The following SGK3 variants were observed in gnomAD, a reference collection of about 807,000 sequenced individuals.
SGK3 encodes serum/glucocorticoid regulated kinase family member 3, also known as serine/threonine-protein kinase Sgk3.
SGK3 carries 47 observed loss-of-function variants against 68.5 expected under a neutral mutation model. The observed-to-expected ratio is 0.69, with a 90% CI of 0.54 to 0.87. The LOEUF is 0.87. Ranked by LOEUF, SGK3 falls within the 40% of genes least tolerant of loss-of-function variation. The pLI is 0.00. For missense variants in SGK3, 479 were observed against 575.5 expected, an observed-to-expected ratio of 0.83 and a Z score of 1.72; for synonymous variants, 181 against 189.1, an observed-to-expected ratio of 0.96 and a Z score of 0.35.
chr8:66,761,557 C>G (rs968465695), intron 1 of SGK3, among the ~76,000 whole-genome samples: 2 of 152,138 alleles, frequency 1.3e-5, no homozygotes, highest in African/African-American at 4.8e-5. Flanking sequence ...TCACAAGAGG[C>G]TAGGTGTTTG....
chr8:66,743,118 G>GT (rs1345215492), intron 1 of SGK3, among the ~76,000 whole-genome samples: 2 of 152,128 alleles, frequency 1.3e-5, no homozygotes, highest in Admixed American at 1.3e-4. Context: ...AGAGACCATA[G>GT]TTTTTTGCAG....
intron 1 of SGK3, among the ~76,000 whole-genome samples, chr8:66,765,790 G>A (rs1027934504): frequency 1.3e-5 from 2 of 152,094 alleles, no homozygotes; most frequent in Non-Finnish European, 2.9e-5. Context: ...TTGGGAGGCC[G>A]AGGTGGGTGG....
At chr8:66,759,524 C>G (rs140458944) in intron 1 of SGK3, among the ~76,000 whole-genome samples, 2 of 148,248 alleles carry the variant, frequency 1.3e-5, no homozygotes, top group African/African-American at 5.0e-5. Flanking sequence ...CTCTACCTCC[C>G]GGGTTCAAGC....
intron 1 of SGK3, among the ~76,000 whole-genome samples, chr8:66,778,397 C>T (rs1183371508): frequency 2.0e-5 from 3 of 152,180 alleles, no homozygotes; most frequent in Admixed American, 6.5e-5. Flanking sequence ...CCCGGGTTCA[C>T]GCCATTCTCC....
chr8:66,785,586 A>C (rs1807165762), intron 1 of SGK3, among the ~76,000 whole-genome samples: 1 of 152,180 alleles, frequency 6.6e-6, no homozygotes, highest in Non-Finnish European at 1.5e-5. Context: ...AAGTTGTGAC[A>C]ACCAAAAATG....
chr8:66,772,331 TC>T (rs1312117596), intron 1 of SGK3, among the ~76,000 whole-genome samples: 5 of 150,654 alleles, frequency 3.3e-5, no homozygotes, highest in African/African-American at 1.2e-4. Context: ...CAAGAAATCC[TC>T]CTGTCTTAGC....
At chr8:66,723,817 T>C (rs1804895223) in intron 1 of SGK3, among the ~76,000 whole-genome samples, 1 of 152,230 alleles carries the variant, frequency 6.6e-6, no homozygotes, top group Non-Finnish European at 1.5e-5. Context: ...GTTGACAATT[T>C]AGTCCATTCT....
chr8:66,822,603 T>G, intron 6 of SGK3, 144 bp downstream of exon 6: 20 of 574,802 alleles, frequency 3.5e-5, no homozygotes, highest in Non-Finnish European at 5.5e-5. Flanking sequence ...CAAATGCATA[T>G]ACCTCTTACA....
intron 4 of SGK3, among the ~76,000 whole-genome samples, chr8:66,805,571 A>T (rs1021447483): frequency 1.3e-5 from 2 of 151,916 alleles, no homozygotes; most frequent in Admixed American, 6.6e-5. Flanking sequence ...ACCCTTGGGG[A>T]ACCCATGGAC....
At position 66,723,125 on chromosome 8, in the gene SGK3, A is replaced by T. The variant is rs1486885291; in HGVS notation, c.-122+10292A>T. On this transcript the variant is annotated intron_variant, in intron 1 of 16. Transcript: ENST00000521198. Reference sequence around the variant, plus strand: ...TATATATATATATATATATATATATATATATATTTTTTTTTTTTTTTTTTT... The same window carrying T: ...TATATATATATATATATATATATATTTATATATTTTTTTTTTTTTTTTTTT... 9.3e-3 allele frequency among the ~76,000 whole-genome samples: 486 copies of T among 52,166 alleles called. 34 individuals are homozygous for T. Among genetic ancestry groups the T allele is most frequent in the African/African-American group, 0.041 (450 of 10,882 alleles). 34.2% of individuals were successfully genotyped at this position (52,166 alleles called of 152,430 possible).
chr8:66,812,595 T>C (rs1471224244), intron 4 of SGK3, among the ~76,000 whole-genome samples: 1 of 151,874 alleles, frequency 6.6e-6, no homozygotes, highest in Non-Finnish European at 1.5e-5. Flanking sequence ...ATAATGGCTT[T>C]TAGACCGCCC....
At chr8:66,825,599 G>C (rs998176887) in intron 6 of SGK3, among the ~76,000 whole-genome samples, 1 of 152,004 alleles carries the variant, frequency 6.6e-6, no homozygotes, top group African/African-American at 2.4e-5. Context: ...GAGCCACCTC[G>C]TCTGGCCTAT....
chr8:66,793,489 T>C, intron 1 of SGK3, 127 bp from the exon 2 acceptor site: 1 of 327,082 alleles, frequency 3.1e-6, no homozygotes, highest in Non-Finnish European at 5.8e-6. Context: ...TAACCTGGGC[T>C]GAGACTGATG....
intron 8 of SGK3, among the ~76,000 whole-genome samples, chr8:66,833,155 G>A (rs943740597): frequency 1.3e-5 from 2 of 151,992 alleles, no homozygotes; most frequent in South Asian, 2.1e-4. Context: ...TCAGGCACAC[G>A]CCACCGTGTC....
At chr8:66,722,521 C>T (rs567294440) in intron 1 of SGK3, among the ~76,000 whole-genome samples, 3 of 152,222 alleles carry the variant, frequency 2.0e-5, no homozygotes, top group African/African-American at 4.8e-5. Flanking sequence ...ATCCGCCCAC[C>T]TTGGCCTCCC....
In SGK3 at chr8:66,857,799, ATGTGTGTGTG is replaced by A. The variant is rs111758415; in HGVS notation, c.1321-1578_1321-1569del. Among the ~76,000 whole-genome samples, 964 of 133,812 alleles carry A rather than the reference ATGTGTGTGTG, an allele frequency of 7.2e-3. 3 individuals are homozygous for A. Among genetic ancestry groups the A allele is most frequent in the African/African-American group, 0.013 (469 of 36,510 alleles). The allele number at this position is 133,812 out of a possible 152,430, so 87.8% of individuals were successfully genotyped here. ...CCCTGTCTCAAAAAAGTGTGTGTGT[ATGTGTGTGTG>A]TGTGTGTGTGTGTGTGTGTGTGTGT... On this transcript the variant is annotated intron_variant, in intron 16 of 16. Coordinates refer to ENST00000521198, the MANE Select transcript of SGK3 (RefSeq NM_001033578.3).
chr8:66,740,137 G>C (rs1409943285), intron 1 of SGK3, among the ~76,000 whole-genome samples: 1 of 152,150 alleles, frequency 6.6e-6, no homozygotes, highest in African/African-American at 2.4e-5. Context: ...ATCTCTTCCA[G>C]ATTTCATTCT....
intron 1 of SGK3, among the ~76,000 whole-genome samples, chr8:66,781,349 G>T (rs1806968168): frequency 6.6e-6 from 1 of 152,028 alleles, no homozygotes; most frequent in Non-Finnish European, 1.5e-5. Flanking sequence ...GTAGTATTTT[G>T]TTTTTTTGTT....
At chr8:66,744,504 TA>T (rs1805576038) in intron 1 of SGK3, among the ~76,000 whole-genome samples, 2 of 32,702 alleles carry the variant, frequency 6.1e-5, no homozygotes, top group African/African-American at 2.4e-4. Context: ...TATATATATA[TA>T]TATATATATA....
Sources: gnomAD v4.1 joint callset for allele counts (sites outside exome capture counted in the v4.1 genomes callset) on GRCh38, gnomAD v4.1.1 for gene constraint, MANE v1.5 for transcripts, NCBI Gene and HGNC (gene_info 2026-07-23, HGNC 2026-07-21) for gene names.